Variants in KCNH7 observed in about 807,000 individuals in gnomAD.
KCNH7 encodes potassium voltage-gated channel subfamily H member 7, also known as voltage-gated inwardly rectifying potassium channel KCNH7.
A neutral mutation model predicts 120.8 loss-of-function variants in KCNH7; 49 were observed. The ratio of observed to expected loss-of-function variants is 0.41; its 90% CI spans 0.32 to 0.51. KCNH7 has a LOEUF of 0.51. Among genes scored for constraint, KCNH7 ranks in the 20% least tolerant of loss-of-function variants. The pLI is 0.38. For synonymous variants in KCNH7, 547 were observed against 516.1 expected, an observed-to-expected ratio of 1.06 and a Z score of -0.81; for missense variants, 1,097 against 1,446.6, an observed-to-expected ratio of 0.76 and a Z score of 3.92.
At chr2:162,490,167 A>T (rs1690245540) in intron 6 of KCNH7, among the ~76,000 whole-genome samples, 2 of 152,234 alleles carry the variant, frequency 1.3e-5, no homozygotes, top group South Asian at 4.1e-4. Flanking sequence ...TGTTTTGTGC[A>T]GACAAGGGAA....
At chr2:162,746,218 G>GA (rs1688311334) in intron 2 of KCNH7, among the ~76,000 whole-genome samples, 2 of 151,954 alleles carry the variant, frequency 1.3e-5, no homozygotes, top group African/African-American at 4.8e-5. Context: ...TGGAAAATGG[G>GA]TTTAATAATT....
intron 4 of KCNH7, 107 bp from the exon 5 acceptor site, chr2:162,512,781 A>T (rs918407901): frequency 1.2e-6 from 1 of 841,414 alleles, no homozygotes; most frequent in Non-Finnish European, 1.8e-6. Flanking sequence ...AAATCAGAAT[A>T]TGATGGAAAA....
At chr2:162,715,977 T>TGTGTGTGTGTGTGC (rs374889170) in intron 2 of KCNH7, among the ~76,000 whole-genome samples, 5 of 151,262 alleles carry the variant, frequency 3.3e-5, no homozygotes, top group African/African-American at 9.7e-5. Flanking sequence ...TGTGTGTGTG[T>TGTGTGTGTGTGTGC]GCACACCACA....
At chr2:162,684,156 C>T (rs572414493) in intron 2 of KCNH7, among the ~76,000 whole-genome samples, 3 of 152,052 alleles carry the variant, frequency 2.0e-5, no homozygotes, top group Admixed American at 2.0e-4. Flanking sequence ...ATGCAGAAAA[C>T]TGTAACTGGA....
At chr2:162,482,931 A>T (rs938234636) in intron 6 of KCNH7, among the ~76,000 whole-genome samples, 2 of 152,186 alleles carry the variant, frequency 1.3e-5, no homozygotes, top group Non-Finnish European at 1.5e-5. Flanking sequence ...GCTATTAGCA[A>T]CCTACTTTTT....
intron 2 of KCNH7, among the ~76,000 whole-genome samples, chr2:162,641,550 A>AT (rs1299132059): frequency 2.0e-4 from 30 of 146,638 alleles, no homozygotes; most frequent in Middle Eastern, 3.4e-3. Flanking sequence ...CCTTCTCTGT[A>AT]TTTAAAAAAA....
chr2:162,572,921 T>C (rs1479951890), intron 2 of KCNH7, among the ~76,000 whole-genome samples: 4 of 152,052 alleles, frequency 2.6e-5, no homozygotes, highest in African/African-American at 7.2e-5. Context: ...GGCGGAGGGA[T>C]AGCATTGGGA....
intron 2 of KCNH7, among the ~76,000 whole-genome samples, chr2:162,685,551 A>G (rs189105478): frequency 2.0e-5 from 3 of 152,204 alleles, no homozygotes; most frequent in East Asian, 3.9e-4. Context: ...CAATGGCTCT[A>G]TGATGAAATC....
intron 2 of KCNH7, among the ~76,000 whole-genome samples, chr2:162,743,713 C>T (rs10196741): frequency 0.27 from 41,118 of 151,856 alleles, 8,209 homozygotes; most frequent in East Asian, 0.54. Context: ...ACAACAAATA[C>T]AATAAAAATA....
At chr2:162,767,272 TA>T (rs1277706811) in intron 2 of KCNH7, among the ~76,000 whole-genome samples, 6 of 152,024 alleles carry the variant, frequency 3.9e-5, no homozygotes. Flanking sequence ...ATGGCACATT[TA>T]AAAAAATAAA....
At chr2:162,512,175 T>A (rs1691101582) in intron 5 of KCNH7, among the ~76,000 whole-genome samples, 1 of 151,832 alleles carries the variant, frequency 6.6e-6, no homozygotes, top group South Asian at 2.1e-4. Flanking sequence ...TATAGTTTAC[T>A]ACTACAGTAA....
chr2:162,724,424 G>A (rs2105379388), intron 2 of KCNH7, among the ~76,000 whole-genome samples: 1 of 152,190 alleles, frequency 6.6e-6, no homozygotes, highest in African/African-American at 2.4e-5. Flanking sequence ...TGTAATCCCA[G>A]CACTTTGGGA....
chr2:162,394,356 C>G lies in KCNH7; in HGVS notation c.2710+33G>C, dbSNP rs1367454344. 3.3e-6 allele frequency: 4 copies of G among 1,198,874 alleles called. No homozygotes were observed. In the Admixed American group the frequency reaches 6.8e-5, roughly 21 times the overall value. 74.3% of individuals were successfully genotyped at this position (1,198,874 alleles called of 1,614,324 possible). ...GTAAGAAGGCTAATTACCACATGCTCTACATTTAAACTTTAGGAATGGAAT... is the reference window on the plus strand; with the variant it reads ...GTAAGAAGGCTAATTACCACATGCTGTACATTTAAACTTTAGGAATGGAAT... On this transcript the variant is annotated intron_variant, in intron 12 of 15. Transcript: ENST00000332142.
chr2:162,750,011 C>T (rs1182183619), intron 2 of KCNH7, among the ~76,000 whole-genome samples: 1 of 152,114 alleles, frequency 6.6e-6, no homozygotes, highest in Non-Finnish European at 1.5e-5. Context: ...AAAACTTACA[C>T]TGGGGACTTA....
intron 2 of KCNH7, among the ~76,000 whole-genome samples, chr2:162,569,240 TTCC>T (rs1693375723): frequency 6.6e-6 from 1 of 152,004 alleles, no homozygotes; most frequent in South Asian, 2.1e-4. Context: ...ATTCAACTTC[TTCC>T]TGGTTTAGTC....
At chr2:162,816,158 GAGGC>G (rs1251550788) in intron 2 of KCNH7, among the ~76,000 whole-genome samples, 1 of 150,220 alleles carries the variant, frequency 6.7e-6, no homozygotes, top group African/African-American at 2.5e-5. Flanking sequence ...TCAGGAGGCT[GAGGC>G]AGGAGAATCA....
intron 7 of KCNH7, among the ~76,000 whole-genome samples, chr2:162,444,455 A>G (rs1688520502): frequency 6.6e-6 from 1 of 152,178 alleles, no homozygotes; most frequent in Non-Finnish European, 1.5e-5. Flanking sequence ...AGAGGATTGA[A>G]CTAGATAATT....
At chr2:162,790,040 T>C (rs1004808824) in intron 2 of KCNH7, among the ~76,000 whole-genome samples, 4 of 151,054 alleles carry the variant, frequency 2.6e-5, no homozygotes, top group Non-Finnish European at 5.9e-5. Flanking sequence ...ATAAGATCAA[T>C]AAAAATAGGA....
At chr2:162,478,586 C>T (rs1250128187) in intron 6 of KCNH7, among the ~76,000 whole-genome samples, 1 of 152,164 alleles carries the variant, frequency 6.6e-6, no homozygotes, top group Non-Finnish European at 1.5e-5. Flanking sequence ...CTCTCCTTCA[C>T]ATCACCTCAA....
Sources: gnomAD v4.1 joint callset for allele counts (sites outside exome capture counted in the v4.1 genomes callset) on GRCh38, gnomAD v4.1.1 for gene constraint, MANE v1.5 for transcripts, NCBI Gene and HGNC (gene_info 2026-07-23, HGNC 2026-07-21) for gene names.